The following PARD3B variants were observed in gnomAD, a reference collection of about 807,000 sequenced individuals.
PARD3B encodes partitioning defective 3 homolog B.
In PARD3B, 103 loss-of-function variants were observed where a neutral mutation model predicts 130.2. The observed-to-expected ratio is 0.79, with a 90% CI of 0.67 to 0.93. PARD3B has a LOEUF of 0.93. Ranked by LOEUF, PARD3B falls within the 40% of genes least tolerant of loss-of-function variation. The pLI is 0.00. For missense variants in PARD3B, 1,609 were observed against 1,499.2 expected, an observed-to-expected ratio of 1.07 and a Z score of -1.21; for synonymous variants, 583 against 553.2, an observed-to-expected ratio of 1.05 and a Z score of -0.76.
intron 4 of PARD3B, among the ~76,000 whole-genome samples, chr2:205,057,669 ATATGTG>A (rs1699803677): frequency 6.8e-6 from 1 of 146,450 alleles, no homozygotes; most frequent in Non-Finnish European, 1.5e-5. Context: ...ACATATACAT[ATATGTG>A]TATGTGTATA....
intron 2 of PARD3B, among the ~76,000 whole-genome samples, chr2:204,752,335 G>A (rs2040497489): frequency 6.6e-6 from 1 of 152,112 alleles, no homozygotes; most frequent in Non-Finnish European, 1.5e-5. Context: ...TATAATAAAT[G>A]TGGGCTACTT....
chr2:204,607,462 T>A (rs1233362763), intron 1 of PARD3B, among the ~76,000 whole-genome samples: 1 of 152,262 alleles, frequency 6.6e-6, no homozygotes, highest in East Asian at 1.9e-4. Context: ...TCACTGAATA[T>A]GTTAGCTGAG....
intron 10 of PARD3B, among the ~76,000 whole-genome samples, chr2:205,156,379 T>A (rs1042513019): frequency 7.9e-5 from 12 of 151,870 alleles, no homozygotes; most frequent in Admixed American, 3.3e-4. Context: ...AACCTGCACA[T>A]TGTGCACATG....
intron 4 of PARD3B, among the ~76,000 whole-genome samples, chr2:205,101,878 T>A (rs914225459): frequency 2.0e-5 from 3 of 152,136 alleles, no homozygotes; most frequent in African/African-American, 7.2e-5. Flanking sequence ...AAGGGGAGGA[T>A]GAGGAATGAC....
chr2:204,589,156 A>G (rs1334096122), intron 1 of PARD3B, among the ~76,000 whole-genome samples: 1 of 152,184 alleles, frequency 6.6e-6, no homozygotes, highest in Non-Finnish European at 1.5e-5. Context: ...ATTATGGCAC[A>G]TGCTCACATG....
intron 16 of PARD3B, among the ~76,000 whole-genome samples, chr2:205,249,786 C>A (rs1294732863): frequency 6.6e-6 from 1 of 151,884 alleles, no homozygotes; most frequent in Admixed American, 6.6e-5. Context: ...TGAGACCTGC[C>A]CGGAGAAGTT....
intron 2 of PARD3B, among the ~76,000 whole-genome samples, chr2:204,798,887 G>C (rs1458783580): frequency 6.6e-6 from 1 of 152,138 alleles, no homozygotes; most frequent in Non-Finnish European, 1.5e-5. Flanking sequence ...TAGCCAGTTA[G>C]TACTTGCCAT....
chr2:205,029,956 A>G (rs140565962), intron 3 of PARD3B, among the ~76,000 whole-genome samples: 198 of 152,222 alleles, frequency 1.3e-3, no homozygotes, highest in African/African-American at 4.4e-3. Flanking sequence ...CTTTGGAGCT[A>G]TTTTTCCCGC....
intron 21 of PARD3B, among the ~76,000 whole-genome samples, chr2:205,537,733 A>T (rs1444385964): frequency 1.3e-5 from 2 of 152,148 alleles, no homozygotes; most frequent in African/African-American, 4.8e-5. Context: ...TCATCCAGTC[A>T]CTAGAACTAC....
At chr2:204,753,815 G>T (rs1027182545) in intron 2 of PARD3B, among the ~76,000 whole-genome samples, 3 of 152,146 alleles carry the variant, frequency 2.0e-5, no homozygotes, top group Admixed American at 2.0e-4. Context: ...CACTCTGGGA[G>T]GCTGAAGAAG....
chr2:205,321,185 A>G lies in PARD3B; in HGVS notation c.2630+19484A>G, dbSNP rs2042740099. 6.6e-6 allele frequency among the ~76,000 whole-genome samples: 1 copy of G among 152,210 alleles called. No homozygotes were observed. Among genetic ancestry groups the G allele is most frequent in the South Asian group, 2.1e-4 (1 of 4,828 alleles). ...ATGTTGCCAATAGACCAGCCACATT[A>G]AACAATAAAAGTGTTTGAGTATTGA... On this transcript the variant is annotated intron_variant, in intron 18 of 22. Transcript: ENST00000406610. The surrounding 1 kb of genome is among the most constrained non-coding windows in gnomAD (Gnocchi z 4.2).
In PARD3B at chr2:204,684,489, T is replaced by C. The variant is rs1002863003; in HGVS notation, c.121-1692T>C. ...TCCTGGGTAGATTTGAAGAAATATG[T>C]TGCTTGCGGCATGGCCATAACAAAA... is the stretch of plus-strand genomic sequence containing the variant. On this transcript the variant is annotated intron_variant, in intron 1 of 22. Coordinates refer to ENST00000406610, the MANE Select transcript of PARD3B (RefSeq NM_001302769.2). Among the ~76,000 whole-genome samples the C allele has an allele frequency of 1.4e-4, 21 of 152,178 alleles. 1 individual carries two copies. Among genetic ancestry groups the C allele is most frequent in the Admixed American group, 1.0e-3 (16 of 15,272 alleles).
rs1433756524 is a variant in PARD3B, at chr2:205,618,992, A to C, written c.*3179A>C. 1 of 152,222 alleles carries C rather than the reference A, an allele frequency of 6.6e-6. No individual in the cohort carries two copies. Among genetic ancestry groups the C allele is most frequent in the Non-Finnish European group, 1.5e-5 (1 of 68,038 alleles). The allele number at this position is 152,222 out of a possible 1,614,324, so 9.4% of individuals were successfully genotyped here. ...TAGATATATATGTGTTGACTCCCAC[A>C]GGATGGCACCAAGTAAAGATCTTAA... On this transcript the variant is annotated 3_prime_UTR_variant, in exon 23 of 23. Transcript: ENST00000406610.
At chr2:205,152,362 T>G (rs2033819190) in intron 10 of PARD3B, among the ~76,000 whole-genome samples, 1 of 152,232 alleles carries the variant, frequency 6.6e-6, no homozygotes, top group Non-Finnish European at 1.5e-5. Flanking sequence ...GTTTTCCAAC[T>G]TGGTTCCATT....
intron 2 of PARD3B, among the ~76,000 whole-genome samples, chr2:204,883,188 C>A (rs1158573856): frequency 6.6e-6 from 1 of 151,602 alleles, no homozygotes; most frequent in Admixed American, 6.6e-5. Flanking sequence ...TGGAAATCAT[C>A]ATCGACACCA....
At chr2:204,750,338 T>G (rs1188197736) in intron 2 of PARD3B, among the ~76,000 whole-genome samples, 2 of 152,168 alleles carry the variant, frequency 1.3e-5, no homozygotes, top group African/African-American at 4.8e-5. Flanking sequence ...ATCCCAGCAC[T>G]TTGGGAGGCC....
At chr2:205,444,433 T>TACAGTTTGA (rs1277488081) in intron 20 of PARD3B, among the ~76,000 whole-genome samples, 3 of 152,204 alleles carry the variant, frequency 2.0e-5, no homozygotes, top group Admixed American at 6.5e-5. Flanking sequence ...CCACCCTGGG[T>TACAGTTTGA]GACAGAGAAA....
chr2:204,893,112 A>G (rs1009181022), intron 2 of PARD3B, among the ~76,000 whole-genome samples: 5 of 152,194 alleles, frequency 3.3e-5, no homozygotes, highest in Non-Finnish European at 5.9e-5. Flanking sequence ...GGAAAATGCA[A>G]GAACTGGCAA....
intron 19 of PARD3B, among the ~76,000 whole-genome samples, chr2:205,436,208 A>G (rs992598884): frequency 6.6e-6 from 1 of 152,214 alleles, no homozygotes; most frequent in African/African-American, 2.4e-5. Flanking sequence ...GTCACTTCCC[A>G]AAACCTCCTC....
Sources: gnomAD v4.1 joint callset for allele counts (sites outside exome capture counted in the v4.1 genomes callset) on GRCh38, gnomAD v4.1.1 for gene constraint, Gnocchi (gnomAD v3.1) non-coding constraint, MANE v1.5 for transcripts, NCBI Gene and HGNC (gene_info 2026-07-23, HGNC 2026-07-21) for gene names.